The following EFCC1 variants were observed in gnomAD, a reference collection of about 807,000 sequenced individuals.
EFCC1 encodes the protein EF-hand and coiled-coil domain-containing protein 1.
A neutral mutation model predicts 52.1 loss-of-function variants in EFCC1; 50 were observed. The observed-to-expected ratio is 0.96, with a 90% CI of 0.76 to 1.21. EFCC1 has a LOEUF of 1.21. Ranked by LOEUF, EFCC1 falls within the 50% of genes most tolerant of loss-of-function variation. EFCC1 has a pLI of 0.00. For missense variants in EFCC1, 837 were observed against 867.3 expected (o/e 0.97, Z 0.44); for synonymous variants, 399 against 396.5 (o/e 1.01, Z -0.08).
chr3:129,009,302 C>T (rs1449751818), intron 2 of EFCC1, among the ~76,000 whole-genome samples: 1 of 152,200 alleles, frequency 6.6e-6, no homozygotes, highest in Non-Finnish European at 1.5e-5. Flanking sequence ...GCATGTCCAG[C>T]TTCAGACATG....
At chr3:129,035,785 C>G (rs1228108694) in intron 5 of EFCC1, among the ~76,000 whole-genome samples, 1 of 152,186 alleles carries the variant, frequency 6.6e-6, no homozygotes, top group African/African-American at 2.4e-5. Flanking sequence ...TGAAGCCAGA[C>G]TGCCGGGATT....
At chr3:129,026,962 G>C (rs763028599) in intron 2 of EFCC1, among the ~76,000 whole-genome samples, 6 of 152,164 alleles carry the variant, frequency 3.9e-5, no homozygotes, top group African/African-American at 7.2e-5. Flanking sequence ...CCTGGCTTTA[G>C]GCAAAGCCTG....
intron 2 of EFCC1, among the ~76,000 whole-genome samples, chr3:129,018,040 C>G (rs2085269923): frequency 1.3e-5 from 2 of 152,164 alleles, no homozygotes; most frequent in Admixed American, 1.3e-4. Flanking sequence ...GTATGCAGTC[C>G]TGGCCATACA....
chr3:129,027,905 G>C (rs1283264503), intron 2 of EFCC1, among the ~76,000 whole-genome samples: 1 of 151,974 alleles, frequency 6.6e-6, no homozygotes, highest in Non-Finnish European at 1.5e-5. Flanking sequence ...AGTGAGCTGA[G>C]ATCGCGCCAC....
intron 5 of EFCC1, 63 bp downstream of exon 5, chr3:129,034,392 C>A: frequency 6.4e-7 from 1 of 1,559,082 alleles, no homozygotes; most frequent in South Asian, 1.2e-5. Flanking sequence ...CTGGAAGGGT[C>A]TGAGGGATTG....
intron 2 of EFCC1, 123 bp downstream of exon 2, chr3:129,004,200 C>A: frequency 8.4e-7 from 1 of 1,189,210 alleles, no homozygotes; most frequent in Non-Finnish European, 1.1e-6. Flanking sequence ...TGCGTTTATT[C>A]ATGTATTCTT....
At chr3:129,039,565 G>A in intron 7 of EFCC1, 147 bp from the exon 8 acceptor site, 5 of 1,244,494 alleles carry the variant, frequency 4.0e-6, no homozygotes, top group Non-Finnish European at 5.5e-6. Context: ...CTCAGGGGGA[G>A]GTGGTCCACA....
At chr3:129,036,501 C>G (rs1343734222) in intron 5 of EFCC1, among the ~76,000 whole-genome samples, 1 of 152,242 alleles carries the variant, frequency 6.6e-6, no homozygotes, top group Non-Finnish European at 1.5e-5. Context: ...CCCAAGACTC[C>G]GACTGGGCCA....
chr3:129,030,446 T>G (rs900687350), intron 2 of EFCC1: 16 of 296,830 alleles, frequency 5.4e-5, no homozygotes, highest in African/African-American at 3.5e-4. Context: ...TTCCTAGAGG[T>G]TTTTTTTTAT....
rs553070355 is a variant in EFCC1, at chr3:129,001,675, G to A, written c.47G>A (p.Gly16Glu). The stretch of plus-strand genomic sequence containing the variant: ...GCGGAGGCCGGCATGGAGGGCGCGG[G>A]AGGTGACCCGTACCGGCGACCTGCG... Reference protein sequence around the residue: ...TGAEAGMEGAGGDPYRRPARR... With the variant: ...TGAEAGMEGAEGDPYRRPARR... Residue 16 changes from glycine to glutamate, a missense_variant, in exon 1 of 8, where the codon GGA (glycine) becomes GAA (glutamate). Coordinates refer to ENST00000683648, the MANE Select transcript of EFCC1 (RefSeq NM_001377500.1). 1 of 1,461,466 alleles carries A rather than the reference G, an allele frequency of 6.8e-7. No individual in the cohort carries two copies. Among genetic ancestry groups the A allele is most frequent in the South Asian group, 1.4e-5 (1 of 73,860 alleles). The allele number at this position is 1,461,466 out of a possible 1,614,324, so 90.5% of individuals were successfully genotyped here.
chr3:129,008,395 G>A (rs1945168982), intron 2 of EFCC1, among the ~76,000 whole-genome samples: 1 of 152,134 alleles, frequency 6.6e-6, no homozygotes, highest in African/African-American at 2.4e-5. Flanking sequence ...TCTTGATTTT[G>A]ACTTTGGCTC....
chr3:129,033,580 T>C lies in EFCC1; in HGVS notation c.1287-584T>C, dbSNP rs1344988797. Among the ~76,000 whole-genome samples, 2 of 152,236 alleles carry C rather than the reference T, an allele frequency of 1.3e-5. 1 individual carries two copies. Among genetic ancestry groups the C allele is most frequent in the African/African-American group, 4.8e-5 (2 of 41,450 alleles). On this transcript the variant is annotated intron_variant, in intron 4 of 7. Coordinates refer to ENST00000683648, the MANE Select transcript of EFCC1 (RefSeq NM_001377500.1). ...GGGGGCAACAGTTATTAATGTATGG[T>C]AAAATGCTGTTGATTTTCTGGGGTT...
At chr3:129,033,070 C>T in intron 4 of EFCC1, 104 bp downstream of exon 4, 2 of 1,401,036 alleles carry the variant, frequency 1.4e-6, no homozygotes, top group Non-Finnish European at 1.9e-6. Context: ...TCAGCCACCT[C>T]CCAGCCCCTC....
chr3:129,001,603 GGAGGAGC>G lies in EFCC1; in HGVS notation c.-21_-15del. 7.4e-7 allele frequency: 1 copy of G among 1,355,010 alleles called. No individual in the cohort carries two copies. The highest frequency in any genetic ancestry group is 9.4e-7 in the Non-Finnish European group (1 of 1,060,472). The allele number at this position is 1,355,010 out of a possible 1,614,324, so 83.9% of individuals were successfully genotyped here. A position where few individuals can be genotyped will look rare whatever the true frequency, so the allele number is the denominator to read the frequency against. Reference sequence around the variant, plus strand: ...GGGCGAAGGGACCGGAGGAGGGACCGGAGGAGCGAGGCGCGCGGCGCAGCGATGGAGC... The same window carrying G: ...GGGCGAAGGGACCGGAGGAGGGACCGGAGGCGCGCGGCGCAGCGATGGAGC... On this transcript the variant is annotated 5_prime_UTR_variant, in exon 1 of 8. Coordinates refer to ENST00000683648, the MANE Select transcript of EFCC1 (RefSeq NM_001377500.1).
At chr3:129,039,318 T>C (rs1946395150) in intron 7 of EFCC1, among the ~76,000 whole-genome samples, 1 of 152,060 alleles carries the variant, frequency 6.6e-6, no homozygotes, top group Non-Finnish European at 1.5e-5. Flanking sequence ...ATGGACCCGG[T>C]GTTTAGACGA....
chr3:129,018,101 T>C (rs907336020), intron 2 of EFCC1, among the ~76,000 whole-genome samples: 3 of 152,246 alleles, frequency 2.0e-5, no homozygotes, highest in African/African-American at 7.2e-5. Context: ...AGCCAGATGC[T>C]TGGTTTCAAT....
At chr3:129,005,480 C>T (rs906357314) in intron 2 of EFCC1, among the ~76,000 whole-genome samples, 1 of 152,172 alleles carries the variant, frequency 6.6e-6, no homozygotes, top group African/African-American at 2.4e-5. Context: ...CAGTTTTTCC[C>T]TTAAGAGAAA....
At chr3:129,015,607 C>T (rs1000213318) in intron 2 of EFCC1, among the ~76,000 whole-genome samples, 6 of 152,078 alleles carry the variant, frequency 3.9e-5, no homozygotes, top group Non-Finnish European at 5.9e-5. Flanking sequence ...GCTGAGTGTC[C>T]GTGTCTGCTC....
chr3:129,006,814 G>A (rs1055692334), intron 2 of EFCC1, among the ~76,000 whole-genome samples: 1 of 152,134 alleles, frequency 6.6e-6, no homozygotes, highest in Non-Finnish European at 1.5e-5. Flanking sequence ...CTTGCCCGGG[G>A]GGCTGACCTC....
Sources: allele counts gnomAD v4.1 joint callset (sites outside exome capture counted in the v4.1 genomes callset), GRCh38; gene constraint gnomAD v4.1.1; transcripts MANE v1.5; gene names NCBI Gene and HGNC (gene_info 2026-07-23, HGNC 2026-07-21).